MIPOL1: variants seen among roughly 807,000 people sequenced by gnomAD.
The protein encoded by MIPOL1 is mirror-image polydactyly 1, also known as mirror-image polydactyly gene 1 protein.
MIPOL1 carries 57 observed loss-of-function variants against 60.9 expected under a neutral mutation model. That is an observed-to-expected ratio of 0.94 (90% confidence interval 0.76 to 1.17). The LOEUF is 1.17. MIPOL1 is among the 50% of genes most tolerant of loss of function. The pLI, the probability that MIPOL1 is intolerant of heterozygous loss-of-function variation, is 0.00. For synonymous variants in MIPOL1, 179 were observed against 168.8 expected (o/e 1.06, Z -0.47); for missense variants, 551 against 511.6 (o/e 1.08, Z -0.74).
chr14:37,514,062 T>C (rs2095350387), intron 12 of MIPOL1, among the ~76,000 whole-genome samples: 1 of 152,196 alleles, frequency 6.6e-6, no homozygotes, highest in Admixed American at 6.5e-5. Context: ...ACATTTTAAC[T>C]AAAATTTGAT....
chr14:37,248,733 A>G (rs1160219647), intron 3 of MIPOL1, among the ~76,000 whole-genome samples: 2 of 152,090 alleles, frequency 1.3e-5, no homozygotes, highest in Non-Finnish European at 2.9e-5. Context: ...AAGGAGAGAG[A>G]GTAGAGAGAA....
At chr14:37,340,584 C>T (rs1486661018) in intron 9 of MIPOL1, among the ~76,000 whole-genome samples, 2 of 151,662 alleles carry the variant, frequency 1.3e-5, no homozygotes, top group Non-Finnish European at 2.9e-5. Flanking sequence ...GTGGTGCGTG[C>T]CTGTAGTTCC....
chr14:37,273,433 A>C (rs1030368856), intron 6 of MIPOL1, among the ~76,000 whole-genome samples: 1 of 151,244 alleles, frequency 6.6e-6, no homozygotes, highest in African/African-American at 2.4e-5. Flanking sequence ...TAAAGACTCT[A>C]TGGTTTTATG....
chr14:37,374,343 A>G (rs1365206623), intron 10 of MIPOL1, among the ~76,000 whole-genome samples: 1 of 151,804 alleles, frequency 6.6e-6, no homozygotes, highest in Non-Finnish European at 1.5e-5. Flanking sequence ...TTGCCTGTTC[A>G]CTCTGATGGT....
chr14:37,310,351 A>T (rs2087211511), intron 9 of MIPOL1, among the ~76,000 whole-genome samples: 1 of 150,322 alleles, frequency 6.7e-6, no homozygotes, highest in Non-Finnish European at 1.5e-5. Context: ...TTGTCTATTC[A>T]CTCTCCCCTC....
In MIPOL1 at chr14:37,443,395, A is replaced by T. The variant is rs535948769; in HGVS notation, c.1031+20446A>T. ...GATTGCCTGAGCCCAAGAGGTTGAG[A>T]CTACAGTGAGCTATGATTGCACCAC... is the stretch of plus-strand genomic sequence containing the variant. On this transcript the variant is annotated intron_variant, in intron 11 of 12. Transcript: ENST00000684589. 7.0e-5 allele frequency among the ~76,000 whole-genome samples: 10 copies of T among 142,694 alleles called. No individual in the cohort carries two copies. The South Asian group carries it at 2.3e-3, about 33-fold the overall frequency. The allele number at this position is 142,694 out of a possible 152,430, so 93.6% of individuals were successfully genotyped here. A position where few individuals can be genotyped will look rare whatever the true frequency, so the allele number is the denominator to read the frequency against.
chr14:37,517,964 T>C (rs1264986871), intron 12 of MIPOL1, among the ~76,000 whole-genome samples: 3 of 152,164 alleles, frequency 2.0e-5, no homozygotes, highest in South Asian at 4.1e-4. Context: ...TATTTAGAAA[T>C]TGAAATCAAA....
intron 6 of MIPOL1, among the ~76,000 whole-genome samples, chr14:37,271,213 A>C (rs1241005852): frequency 1.3e-5 from 2 of 152,090 alleles, no homozygotes; most frequent in Admixed American, 6.6e-5. Flanking sequence ...TGTGTATGCC[A>C]CTGTGAATGT....
intron 7 of MIPOL1, among the ~76,000 whole-genome samples, chr14:37,296,360 C>G (rs967698402): frequency 6.6e-6 from 1 of 152,052 alleles, no homozygotes; most frequent in African/African-American, 2.4e-5. Flanking sequence ...CAGGAAAGAT[C>G]TAAAATTGAC....
intron 11 of MIPOL1, among the ~76,000 whole-genome samples, chr14:37,484,370 G>A (rs1185174500): frequency 8.1e-6 from 1 of 123,144 alleles, no homozygotes; most frequent in African/African-American, 3.2e-5. Context: ...ACGGAGTCTC[G>A]CTCTGTCACC....
At chr14:37,401,648 T>A (rs143714381) in intron 10 of MIPOL1, 4 of 152,196 alleles carry the variant, frequency 2.6e-5, no homozygotes, top group East Asian at 3.9e-4. Context: ...AAGACTTTTT[T>A]AAAACAATTA....
intron 1 of MIPOL1, among the ~76,000 whole-genome samples, chr14:37,205,371 A>C (rs924913040): frequency 6.6e-6 from 1 of 152,052 alleles, no homozygotes; most frequent in South Asian, 2.1e-4. Context: ...CCCAAAGTGC[A>C]GGGATTACAG....
intron 1 of MIPOL1, among the ~76,000 whole-genome samples, chr14:37,246,620 T>C (rs1241893776): frequency 1.3e-5 from 2 of 152,130 alleles, no homozygotes; most frequent in Non-Finnish European, 2.9e-5. Context: ...CCAGTATATT[T>C]GTTGCTTGCT....
At chr14:37,206,098 CA>C (rs1481104337) in intron 1 of MIPOL1, among the ~76,000 whole-genome samples, 2 of 152,150 alleles carry the variant, frequency 1.3e-5, no homozygotes, top group African/African-American at 4.8e-5. Context: ...ATCCCCAAGA[CA>C]ATGGGGAAAA....
intron 5 of MIPOL1, among the ~76,000 whole-genome samples, chr14:37,270,177 C>T (rs1017823019): frequency 7.9e-5 from 12 of 152,018 alleles, no homozygotes; most frequent in African/African-American, 2.4e-4. Flanking sequence ...ATTTAATTTG[C>T]CTGTTCATGC....
rs11415779 is a variant in MIPOL1 at position 37,403,432 on chromosome 14, C to CTTTTT, written c.937-19406_937-19402dup. 5.5e-4 allele frequency among the ~76,000 whole-genome samples: 52 copies of CTTTTT among 94,112 alleles called. 1 individual carries two copies. The highest frequency in any genetic ancestry group is 5.8e-4 in the Non-Finnish European group (31 of 53,864). 61.7% of individuals were successfully genotyped at this position (94,112 alleles called of 152,430 possible). On this transcript the variant is annotated intron_variant, in intron 10 of 12. Transcript: ENST00000684589. Reference sequence around the variant, plus strand: ...AGAATGTGATAAGAGAGGTTTCTAGCTTTTTTTTTTTTTTTTTTTTTCAAG... The same window carrying CTTTTT: ...AGAATGTGATAAGAGAGGTTTCTAGCTTTTTTTTTTTTTTTTTTTTTTTTTTCAAG...
chr14:37,478,392 G>A (rs1383219801), intron 11 of MIPOL1, among the ~76,000 whole-genome samples: 1 of 152,088 alleles, frequency 6.6e-6, no homozygotes, highest in Non-Finnish European at 1.5e-5. Flanking sequence ...AAGATTTGTG[G>A]TGATAAAACA....
chr14:37,295,159 T>C (rs879420782), intron 7 of MIPOL1, among the ~76,000 whole-genome samples: 1 of 152,134 alleles, frequency 6.6e-6, no homozygotes, highest in Admixed American at 6.6e-5. Context: ...TCAACATTCT[T>C]AAAGAAAAGA....
chr14:37,474,884 G>A (rs1400036797), intron 11 of MIPOL1, among the ~76,000 whole-genome samples: 1 of 152,074 alleles, frequency 6.6e-6, no homozygotes, highest in Non-Finnish European at 1.5e-5. Flanking sequence ...GACATGTTGA[G>A]CCTCTTATAT....
Sources: gnomAD v4.1 joint callset for allele counts (sites outside exome capture counted in the v4.1 genomes callset) on GRCh38, gnomAD v4.1.1 for gene constraint, MANE v1.5 for transcripts, NCBI Gene and HGNC (gene_info 2026-07-23, HGNC 2026-07-21) for gene names.